Variants in COL27A1 observed in about 807,000 individuals in gnomAD.
COL27A1 encodes the protein collagen alpha-1(XXVII) chain.
Under a neutral mutation model 251.3 loss-of-function variants are expected in COL27A1, and 106 were observed. The observed-to-expected ratio is 0.42, with a 90% CI of 0.36 to 0.50. The LOEUF (loss-of-function observed/expected upper bound fraction) is 0.50. Ranked by LOEUF, COL27A1 falls within the 20% of genes least tolerant of loss-of-function variation. The probability of loss-of-function intolerance (pLI) is 0.00; values close to 1 mark genes in which losing one functional copy is unlikely to be tolerated. For synonymous variants in COL27A1, 1,000 were observed against 986.3 expected, an observed-to-expected ratio of 1.01 and a Z score of -0.26; for missense variants, 2,325 against 2,522.8, an observed-to-expected ratio of 0.92 and a Z score of 1.68.
chr9:114,265,548 A>C, intron 32 of COL27A1, 73 bp downstream of exon 32: 1 of 1,490,452 alleles, frequency 6.7e-7, no homozygotes, highest in African/African-American at 1.4e-5. Flanking sequence ...GTGGTCAGAT[A>C]AGGAGAAGGG....
At chr9:114,176,570 C>A (rs756799298) in intron 3 of COL27A1, among the ~76,000 whole-genome samples, 1 of 152,014 alleles carries the variant, frequency 6.6e-6, no homozygotes, top group Non-Finnish European at 1.5e-5. Flanking sequence ...GAACCCAGGC[C>A]CGTGGTGTTA....
Position 114,310,707 on chromosome 9 carries a change from G to A in COL27A1, c.*12G>A, listed in dbSNP as rs374541346. On this transcript the variant is annotated 3_prime_UTR_variant, in exon 61 of 61. Transcript: ENST00000356083. ...CGTGCTTCCTCTGACCTCTGACCTC[G>A]TGGCCACTCTAGGCCTCACGGAGGA... is the stretch of plus-strand genomic sequence containing the variant. 66 of 1,613,730 alleles carry A rather than the reference G, an allele frequency of 4.1e-5. 1 individual carries two copies. In the Middle Eastern group the frequency reaches 5.0e-4, roughly 12 times the overall value.
intron 11 of COL27A1, 34 bp downstream of exon 11, chr9:114,209,762 A>G: frequency 6.2e-7 from 1 of 1,604,938 alleles, no homozygotes; most frequent in Admixed American, 1.7e-5. Flanking sequence ...CACCATCCAC[A>G]GCCACCCCTG....
chr9:114,224,798 G>A (rs1407878048), intron 14 of COL27A1, among the ~76,000 whole-genome samples: 5 of 151,902 alleles, frequency 3.3e-5, no homozygotes, highest in African/African-American at 1.2e-4. Flanking sequence ...GACAACAGGT[G>A]TGTACCATGA....
At chr9:114,182,820 A>G (rs940401989) in intron 4 of COL27A1, among the ~76,000 whole-genome samples, 1 of 152,214 alleles carries the variant, frequency 6.6e-6, no homozygotes, top group Non-Finnish European at 1.5e-5. Context: ...GAGATGGCAC[A>G]TGGGATGTGC....
chr9:114,206,756 T>G (rs923608700), intron 10 of COL27A1, among the ~76,000 whole-genome samples: 1 of 152,140 alleles, frequency 6.6e-6, no homozygotes, highest in Non-Finnish European at 1.5e-5. Context: ...TTTCCAGATC[T>G]CCCCTTCCTT....
At chr9:114,223,634 G>GT (rs1831266384) in intron 14 of COL27A1, among the ~76,000 whole-genome samples, 1 of 152,272 alleles carries the variant, frequency 6.6e-6, no homozygotes, top group South Asian at 2.1e-4. Context: ...GAAACACACA[G>GT]TCCATTCCAG....
chr9:114,166,483 C>CCATT (rs201272255), intron 2 of COL27A1, among the ~76,000 whole-genome samples: 1 of 152,090 alleles, frequency 6.6e-6, no homozygotes, highest in Non-Finnish European at 1.5e-5. Context: ...ATCCATCCAT[C>CCATT]TCCCAGTTGT....
chr9:114,174,301 G>T (rs1849535164), intron 3 of COL27A1, among the ~76,000 whole-genome samples: 3 of 147,888 alleles, frequency 2.0e-5, no homozygotes, highest in South Asian at 2.2e-4. Flanking sequence ...GCAGAGGCAG[G>T]TGAAACACAA....
chr9:114,291,168 T>C (rs1300591890), intron 48 of COL27A1, among the ~76,000 whole-genome samples: 1 of 152,104 alleles, frequency 6.6e-6, no homozygotes, highest in African/African-American at 2.4e-5. Flanking sequence ...TTTTGAGTTG[T>C]CCACGGGCGC....
chr9:114,268,891 A>G, intron 34 of COL27A1: 1 of 199,240 alleles, frequency 5.0e-6, no homozygotes, highest in Non-Finnish European at 1.0e-5. Context: ...AGCTGTGATT[A>G]CCCCACTGCA....
intron 14 of COL27A1, among the ~76,000 whole-genome samples, chr9:114,228,139 A>AG (rs765976724): frequency 1.6e-4 from 25 of 152,060 alleles, no homozygotes; most frequent in Non-Finnish European, 3.1e-4. Flanking sequence ...AGCCCTGCTG[A>AG]GGCAGCGAGT....
At chr9:114,161,652 C>T (rs1326591529) in intron 1 of COL27A1, among the ~76,000 whole-genome samples, 2 of 152,236 alleles carry the variant, frequency 1.3e-5, no homozygotes, top group Admixed American at 6.5e-5. Flanking sequence ...TTAGCCCTCA[C>T]CACCCACCTG....
At chr9:114,227,981 G>A (rs1468892914) in intron 14 of COL27A1, among the ~76,000 whole-genome samples, 2 of 152,134 alleles carry the variant, frequency 1.3e-5, no homozygotes, top group African/African-American at 4.8e-5. Flanking sequence ...AACACAGGGG[G>A]ACCTGTCCTA....
chr9:114,277,975 C>G (rs1364664524), intron 37 of COL27A1, among the ~76,000 whole-genome samples: 8 of 152,108 alleles, frequency 5.3e-5, no homozygotes, highest in Non-Finnish European at 1.2e-4. Context: ...CTCTAGTAAC[C>G]CATTCTCTGT....
At chr9:114,179,199 C>T (rs990742981) in intron 4 of COL27A1, among the ~76,000 whole-genome samples, 2 of 152,178 alleles carry the variant, frequency 1.3e-5, no homozygotes, top group South Asian at 2.1e-4. Context: ...CTGAGCCCAG[C>T]GAGTGGTTCT....
intron 27 of COL27A1, among the ~76,000 whole-genome samples, chr9:114,255,495 G>A (rs146335174): frequency 3.3e-5 from 5 of 152,304 alleles, no homozygotes; most frequent in Non-Finnish European, 5.9e-5. Context: ...GAGTCACTGG[G>A]ACACAATGGA....
At chr9:114,270,168 T>C (rs2636864) in intron 35 of COL27A1, among the ~76,000 whole-genome samples, 78,478 of 152,046 alleles carry the variant, frequency 0.52, 22,651 homozygotes, top group African/African-American at 0.79. Context: ...TCTCACATGG[T>C]TGCCAGGTAT....
chr9:114,282,212 C>G, intron 37 of COL27A1, 65 bp from the exon 38 acceptor site: 3 of 1,481,366 alleles, frequency 2.0e-6, no homozygotes, highest in Non-Finnish European at 2.8e-6. Flanking sequence ...GACCGCCTTG[C>G]GGATCCGCCT....
Sources: gnomAD v4.1 joint callset for allele counts (sites outside exome capture counted in the v4.1 genomes callset) on GRCh38, gnomAD v4.1.1 for gene constraint, MANE v1.5 for transcripts, NCBI Gene and HGNC (gene_info 2026-07-23, HGNC 2026-07-21) for gene names.